The following HDAC7 variants were observed in gnomAD, a reference collection of about 807,000 sequenced individuals.
HDAC7 encodes the protein histone deacetylase 7A.
In HDAC7, 26 loss-of-function variants were observed where a neutral mutation model predicts 115.5. The ratio of observed to expected loss-of-function variants is 0.23; its 90% CI spans 0.16 to 0.31. The LOEUF (loss-of-function observed/expected upper bound fraction) is 0.31. Among genes scored for constraint, HDAC7 ranks in the 10% least tolerant of loss-of-function variants. The pLI is 1.00. For missense variants in HDAC7, 1,068 were observed against 1,329.0 expected, an observed-to-expected ratio of 0.80 and a Z score of 3.05; for synonymous variants, 564 against 550.9, an observed-to-expected ratio of 1.02 and a Z score of -0.33.
chr12:47,802,373 A>C, intron 1 of HDAC7, 99 bp from the exon 2 acceptor site: 1 of 1,538,622 alleles, frequency 6.5e-7, no homozygotes, highest in Admixed American at 1.9e-5. Flanking sequence ...CTGCCACTCC[A>C]AGCTTGAGCA....
At chr12:47,817,101 G>C (rs893352794) in intron 1 of HDAC7, among the ~76,000 whole-genome samples, 1 of 152,170 alleles carries the variant, frequency 6.6e-6, no homozygotes, top group Non-Finnish European at 1.5e-5. Context: ...ACAGAAACAG[G>C]GGGAAAATAT....
chr12:47,818,659 G>T (rs1375730499), intron 1 of HDAC7, among the ~76,000 whole-genome samples: 1 of 152,218 alleles, frequency 6.6e-6, no homozygotes, highest in African/African-American at 2.4e-5. Context: ...CAGCAGGGCC[G>T]CTGAGGGCCG....
intron 1 of HDAC7, among the ~76,000 whole-genome samples, chr12:47,809,486 C>T (rs1944556399): frequency 6.6e-6 from 1 of 152,112 alleles, no homozygotes; most frequent in Non-Finnish European, 1.5e-5. Flanking sequence ...GATCAACAAT[C>T]ATGTGTTAAT....
chr12:47,787,447 T>G (rs1423222197), intron 21 of HDAC7, among the ~76,000 whole-genome samples: 30 of 152,236 alleles, frequency 2.0e-4, no homozygotes, highest in Non-Finnish European at 1.5e-5. Context: ...CTTCTCTGAC[T>G]AAATGTGCCA....
chr12:47,799,433 C>T (rs1406535430), intron 2 of HDAC7, among the ~76,000 whole-genome samples: 7 of 152,264 alleles, frequency 4.6e-5, no homozygotes, highest in Non-Finnish European at 1.0e-4. Flanking sequence ...GGCAGGCAAA[C>T]AGGCCCACTT....
Position 47,795,833 on chromosome 12 carries a change from G to T in HDAC7, c.907-66C>A. On this transcript the variant is annotated intron_variant, in intron 9 of 25. Coordinates refer to ENST00000080059, the MANE Select transcript of HDAC7 (RefSeq NM_015401.5). This position sits in a 1 kb window ranked among gnomAD's most constrained non-coding sequence, Gnocchi z 4.3. ...AGCAGAGAACAATGAAGATGATGGGGTGAGGCAGCAAGAAAAGGGAGTGAA... is the reference window on the plus strand; with the variant it reads ...AGCAGAGAACAATGAAGATGATGGGTTGAGGCAGCAAGAAAAGGGAGTGAA... 1 of 1,525,516 alleles carries T rather than the reference G, an allele frequency of 6.6e-7. No homozygotes were observed. Among genetic ancestry groups the T allele is most frequent in the Non-Finnish European group, 8.8e-7 (1 of 1,130,208 alleles). The allele number at this position is 1,525,516 out of a possible 1,614,324, so 94.5% of individuals were successfully genotyped here. A position where few individuals can be genotyped will look rare whatever the true frequency, so the allele number is the denominator to read the frequency against.
In HDAC7 at chr12:47,796,001, G is replaced by A. The variant is rs554378832; in HGVS notation, c.811C>T (p.Arg271Trp). Residue 271 changes from arginine (R) to tryptophan (W), a missense_variant, in exon 9 of 26, where the codon CGG (arginine) becomes TGG (tryptophan). By Grantham distance (101) the Arg-to-Trp change is moderately radical (BLOSUM62 -3). Transcript: ENST00000080059. ...ACAGAAGTCTCCTGCAGCCGCAGCC[G>A]CTGGCCCAAGAGCGCCTGCCATAGG... ...ILGSEALLGQ[R>W]LRLQETSVAP... 18 of 1,549,552 alleles carry A rather than the reference G, an allele frequency of 1.2e-5. No homozygotes were observed. In the South Asian group the frequency reaches 1.5e-4, roughly 13 times the overall value.
In HDAC7 at chr12:47,797,269, C is replaced by T. The variant is rs556832807; in HGVS notation, c.577+115G>A. 70 of 1,552,210 alleles carry T rather than the reference C, an allele frequency of 4.5e-5. 1 individual carries two copies. The South Asian group carries it at 7.6e-4, about 17-fold the overall frequency. On this transcript the variant is annotated intron_variant, in intron 6 of 25. Coordinates refer to ENST00000080059, the MANE Select transcript of HDAC7 (RefSeq NM_015401.5). This position sits in a 1 kb window ranked among gnomAD's most constrained non-coding sequence, Gnocchi z 5.5. Reference sequence around the variant, plus strand: ...GCAGAACTAGAAAGAAGATCCTAGCCTACCGATGATCTCCTGGCCCAGCCC... The same window carrying T: ...GCAGAACTAGAAAGAAGATCCTAGCTTACCGATGATCTCCTGGCCCAGCCC...
rs750003430 is a variant in HDAC7 at position 47,797,187 on chromosome 12, T to G, written c.578-45A>C. 1 of 1,558,076 alleles carries G rather than the reference T, an allele frequency of 6.4e-7. No homozygotes were observed. Among genetic ancestry groups the G allele is most frequent in the Non-Finnish European group, 8.7e-7 (1 of 1,151,280 alleles). On this transcript the variant is annotated intron_variant, in intron 6 of 25. Coordinates refer to ENST00000080059, the MANE Select transcript of HDAC7 (RefSeq NM_015401.5). The surrounding 1 kb of genome is among the most constrained non-coding windows in gnomAD (Gnocchi z 5.5). ...CACTCAGGCCCCCACCACCCTTCTT[T>G]TTTCCACCCTTTAACCCCTCAGTCC...
chr12:47,783,130 G>A lies in HDAC7; in HGVS notation c.*711C>T, dbSNP rs1479499210. 6.6e-6 allele frequency: 1 copy of A among 152,526 alleles called. No individual in the cohort carries two copies. Among genetic ancestry groups the A allele is most frequent in the East Asian group, 1.9e-4 (1 of 5,194 alleles). The allele number at this position is 152,526 out of a possible 1,614,324, so 9.4% of individuals were successfully genotyped here. On this transcript the variant is annotated 3_prime_UTR_variant, in exon 26 of 26. Transcript: ENST00000080059. ...TGCTGCGCTTCTTGGGGAGATGAAG[G>A]GTTTGGCACCATTGGATCAGGAAGC...
At chr12:47,790,807 T>A in intron 16 of HDAC7, 1 of 205,886 alleles carries the variant, frequency 4.9e-6, no homozygotes, top group South Asian at 7.2e-5. Flanking sequence ...GAGTGGGGAG[T>A]GCTGGGATCG....
chr12:47,805,554 T>G (rs1230881095), intron 1 of HDAC7, among the ~76,000 whole-genome samples: 1 of 152,164 alleles, frequency 6.6e-6, no homozygotes, highest in Non-Finnish European at 1.5e-5. Flanking sequence ...TGAGTCTCCA[T>G]GGGGCTGGCA....
intron 1 of HDAC7, among the ~76,000 whole-genome samples, chr12:47,808,825 G>A (rs1334496296): frequency 4.6e-5 from 7 of 152,136 alleles, no homozygotes; most frequent in Admixed American, 1.3e-4. Context: ...GGCTCCCCTA[G>A]TCCACACTAC....
At chr12:47,817,892 T>G (rs1415067479) in intron 1 of HDAC7, 1 of 152,158 alleles carries the variant, frequency 6.6e-6, no homozygotes, top group Non-Finnish European at 1.5e-5. Context: ...GCTCAAGGGT[T>G]TTATATCAGA....
chr12:47,820,281 GT>G (rs1466750160), upstream of HDAC7, among the ~76,000 whole-genome samples: 3 of 152,204 alleles, frequency 2.0e-5, no homozygotes, highest in Admixed American at 6.5e-5. The surrounding 1 kb of genome is among the most constrained non-coding windows in gnomAD (Gnocchi z 4.3). Flanking sequence ...ACGCATCCAT[GT>G]TTACAAGGGG....
chr12:47,797,292 C>T lies in HDAC7; in HGVS notation c.577+92G>A. 3 of 917,988 alleles carry T rather than the reference C, an allele frequency of 3.3e-6. No homozygotes were observed. The highest frequency in any genetic ancestry group is 1.6e-6 in the Non-Finnish European group (1 of 607,272). 56.9% of individuals were successfully genotyped at this position (917,988 alleles called of 1,614,324 possible). A position where few individuals can be genotyped will look rare whatever the true frequency, so the allele number is the denominator to read the frequency against. ...GCCTACCGATGATCTCCTGGCCCAG[C>T]CCAGCCCGCCCACCCCTGCACACTC... is the stretch of plus-strand genomic sequence containing the variant. On this transcript the variant is annotated intron_variant, in intron 6 of 25. Transcript: ENST00000080059. This position sits in a 1 kb window ranked among gnomAD's most constrained non-coding sequence, Gnocchi z 5.5.
At chr12:47,792,142 G>A in intron 13 of HDAC7, 138 bp from the exon 14 acceptor site, 2 of 969,280 alleles carry the variant, frequency 2.1e-6, no homozygotes, top group South Asian at 3.5e-5. Flanking sequence ...ACCCACACAG[G>A]CCTGCATTTC....
chr12:47,784,873 T>C, intron 24 of HDAC7: 4 of 1,095,210 alleles, frequency 3.7e-6, no homozygotes, highest in South Asian at 1.4e-5. Flanking sequence ...GCCCTTGATA[T>C]GGGAATCTAT....
At chr12:47,800,502 G>A (rs2137000094) in intron 2 of HDAC7, among the ~76,000 whole-genome samples, 1 of 152,356 alleles carries the variant, frequency 6.6e-6, no homozygotes, top group East Asian at 1.9e-4. Flanking sequence ...AGTGATGGCT[G>A]TGCACCCAGA....
Sources: allele counts gnomAD v4.1 joint callset (sites outside exome capture counted in the v4.1 genomes callset), GRCh38; gene constraint gnomAD v4.1.1; non-coding constraint Gnocchi (gnomAD v3.1); transcripts MANE v1.5; gene names NCBI Gene and HGNC (gene_info 2026-07-23, HGNC 2026-07-21).